The following RBFOX1 variants were observed in gnomAD, a reference collection of about 807,000 sequenced individuals.
The protein encoded by RBFOX1 is RNA binding fox-1 homolog 1, also known as RNA binding protein fox-1 homolog 1.
A neutral mutation model predicts 57.7 loss-of-function variants in RBFOX1; 8 were observed. The observed-to-expected ratio is 0.14, with a 90% CI of 0.08 to 0.25. The LOEUF is 0.25. RBFOX1 is among the 10% of genes least tolerant of loss of function. The pLI, the probability that RBFOX1 is intolerant of heterozygous loss-of-function variation, is 1.00. For synonymous variants in RBFOX1, 326 were observed against 222.4 expected (o/e 1.47, Z -4.15); for missense variants, 611 against 548.5 (o/e 1.11, Z -1.14).
At chr16:7,451,796 A>C (rs750266710) in intron 4 of RBFOX1, among the ~76,000 whole-genome samples, 1 of 151,564 alleles carries the variant, frequency 6.6e-6, no homozygotes, top group Non-Finnish European at 1.5e-5. Flanking sequence ...TTCAGCTGAG[A>C]CCACTGGCCA....
chr16:6,315,829 G>A (rs2081050036), intron 1 of RBFOX1, among the ~76,000 whole-genome samples: 1 of 152,036 alleles, frequency 6.6e-6, no homozygotes, highest in African/African-American at 2.4e-5. Flanking sequence ...TTTAGGTGTT[G>A]TAATTTATCA....
chr16:7,506,171 C>G (rs1431159537), intron 4 of RBFOX1, among the ~76,000 whole-genome samples: 1 of 97,400 alleles, frequency 1.0e-5, no homozygotes, highest in Admixed American at 1.8e-4. Context: ...GGTGACAGAG[C>G]AAGACTCTGT....
At chr16:6,474,876 C>T (rs529036702) in intron 2 of RBFOX1, among the ~76,000 whole-genome samples, 1 of 152,262 alleles carries the variant, frequency 6.6e-6, no homozygotes, top group Admixed American at 6.5e-5. Context: ...AGAAAAATAT[C>T]ATAACATCAG....
chr16:6,636,464 C>T (rs1227689347), intron 2 of RBFOX1, among the ~76,000 whole-genome samples: 1 of 151,992 alleles, frequency 6.6e-6, no homozygotes, highest in Non-Finnish European at 1.5e-5. Context: ...GCCACCGCAC[C>T]CGGCTGGATT....
At chr16:7,686,137 G>A (rs2076014356) in intron 14 of RBFOX1, among the ~76,000 whole-genome samples, 1 of 151,876 alleles carries the variant, frequency 6.6e-6, no homozygotes, top group Non-Finnish European at 1.5e-5. Flanking sequence ...CAGGATATTA[G>A]CAGCAGCAGC....
chr16:7,013,814 T>C (rs1406419040), intron 3 of RBFOX1, among the ~76,000 whole-genome samples: 1 of 152,068 alleles, frequency 6.6e-6, no homozygotes, highest in East Asian at 1.9e-4. Flanking sequence ...TGCACCAACA[T>C]GCCCAGTTAA....
At chr16:5,336,760 C>G (rs935678892) in intron 1 of RBFOX1, among the ~76,000 whole-genome samples, 1 of 152,202 alleles carries the variant, frequency 6.6e-6, no homozygotes, top group Non-Finnish European at 1.5e-5. Context: ...TCCAGCCCCC[C>G]TCCTTCTGGT....
intron 4 of RBFOX1, among the ~76,000 whole-genome samples, chr16:7,344,162 C>A (rs201017576): frequency 2.6e-5 from 3 of 117,496 alleles, no homozygotes; most frequent in African/African-American, 3.3e-5. Flanking sequence ...GTTTTCTCTT[C>A]GGTAAAATGG....
intron 9 of RBFOX1, among the ~76,000 whole-genome samples, chr16:7,600,221 A>G (rs573032664): frequency 6.6e-6 from 1 of 152,174 alleles, no homozygotes; most frequent in African/African-American, 2.4e-5. Flanking sequence ...TGTTCCTGTC[A>G]CACATACTGT....
intron 4 of RBFOX1, among the ~76,000 whole-genome samples, chr16:5,935,319 A>G (rs1231060346): frequency 6.6e-6 from 1 of 152,200 alleles, no homozygotes; most frequent in South Asian, 2.1e-4. Flanking sequence ...ATGGGGCCAC[A>G]TGGGGACACA....
chr16:6,643,789 G>C (rs964639913), intron 2 of RBFOX1, among the ~76,000 whole-genome samples: 2 of 151,540 alleles, frequency 1.3e-5, no homozygotes. Context: ...GGGTCCCTAA[G>C]GCTTGAACTT....
chr16:6,546,134 C>G (rs2153837417), intron 2 of RBFOX1, among the ~76,000 whole-genome samples: 1 of 152,302 alleles, frequency 6.6e-6, no homozygotes, highest in East Asian at 1.9e-4. Context: ...TCAAAGGCAT[C>G]TTGGGCCACA....
rs2067810680 is a variant in RBFOX1 at position 6,899,172 on chromosome 16, G to T, written c.-15-152885G>T. Reference sequence around the variant, plus strand: ...ACACGTGTATGTAACATGTGTATGTGTGTGTATAATATGTGTGTGAGTGCA... The same window carrying T: ...ACACGTGTATGTAACATGTGTATGTTTGTGTATAATATGTGTGTGAGTGCA... On this transcript the variant is annotated intron_variant, in intron 3 of 15. Transcript: ENST00000550418. Among the ~76,000 whole-genome samples, 3 of 144,000 alleles carry T rather than the reference G, an allele frequency of 2.1e-5. No individual in the cohort carries two copies. In the South Asian group the frequency reaches 7.0e-4, roughly 34 times the overall value. 94.5% of individuals were successfully genotyped at this position (144,000 alleles called of 152,430 possible). A position where few individuals can be genotyped will look rare whatever the true frequency, so the allele number is the denominator to read the frequency against.
At chr16:6,134,778 C>T (rs2096654436) in intron 1 of RBFOX1, among the ~76,000 whole-genome samples, 1 of 151,724 alleles carries the variant, frequency 6.6e-6, no homozygotes, top group African/African-American at 2.4e-5. Context: ...CCCGGGTTCA[C>T]GCCATAAACT....
chr16:7,199,883 A>G (rs1420784438), intron 4 of RBFOX1, among the ~76,000 whole-genome samples: 1 of 151,928 alleles, frequency 6.6e-6, no homozygotes, highest in Admixed American at 6.6e-5. Flanking sequence ...CAACAGAGCA[A>G]GACTCTATCT....
intron 4 of RBFOX1, among the ~76,000 whole-genome samples, chr16:7,329,068 G>T (rs762497996): frequency 4.6e-5 from 7 of 152,162 alleles, no homozygotes; most frequent in Non-Finnish European, 1.0e-4. Context: ...TTGGTGTATT[G>T]TCAACGGATG....
chr16:7,062,333 AAAAAAG>A (rs1377465877), intron 4 of RBFOX1, among the ~76,000 whole-genome samples: 5 of 149,636 alleles, frequency 3.3e-5, no homozygotes, highest in East Asian at 4.0e-4. Context: ...AAAAAAAAAA[AAAAAAG>A]AAAAGAAAAA....
chr16:6,894,681 C>A (rs746869137), intron 3 of RBFOX1, among the ~76,000 whole-genome samples: 1 of 152,162 alleles, frequency 6.6e-6, no homozygotes, highest in African/African-American at 2.4e-5. Flanking sequence ...AAACTGATAG[C>A]CTCGACCTCA....
At chr16:6,888,699 A>G (rs6500865) in intron 3 of RBFOX1, among the ~76,000 whole-genome samples, 2 of 152,076 alleles carry the variant, frequency 1.3e-5, no homozygotes, top group African/African-American at 4.8e-5. Flanking sequence ...CTAGTAAAAA[A>G]GCTGGGGGAA....
Sources: allele counts gnomAD v4.1 joint callset (sites outside exome capture counted in the v4.1 genomes callset), GRCh38; gene constraint gnomAD v4.1.1; transcripts MANE v1.5; gene names NCBI Gene and HGNC (gene_info 2026-07-23, HGNC 2026-07-21).